KATNAL2: variants seen among roughly 807,000 people sequenced by gnomAD.
KATNAL2 encodes katanin p60 ATPase-containing subunit A-like 2.
In KATNAL2, 52 loss-of-function variants were observed where a neutral mutation model predicts 76.3. That is an observed-to-expected ratio of 0.68 (90% confidence interval 0.55 to 0.86). KATNAL2 has a LOEUF of 0.86. KATNAL2 is among the 40% of genes least tolerant of loss of function. KATNAL2 has a pLI of 0.00. For missense variants in KATNAL2, 660 were observed against 668.9 expected (o/e 0.99, Z 0.15); for synonymous variants, 243 against 244.2 (o/e 1.00, Z 0.05).
At chr18:47,066,391 G>A (rs1260945643) in intron 10 of KATNAL2, among the ~76,000 whole-genome samples, 1 of 152,214 alleles carries the variant, frequency 6.6e-6, no homozygotes, top group East Asian at 1.9e-4. Context: ...GTTGCTACAG[G>A]GCTCTTCTAT....
intron 13 of KATNAL2, among the ~76,000 whole-genome samples, chr18:47,071,953 CTTTTTTTTTTT>C (rs574265545): frequency 0.012 from 521 of 43,766 alleles, no homozygotes; most frequent in East Asian, 0.014. Flanking sequence ...CCAATTTCTT[CTTTTTTTTTTT>C]TTTTTTTTTT....
chr18:46,950,181 A>G (rs897670716), intron 3 of KATNAL2, among the ~76,000 whole-genome samples: 2 of 152,240 alleles, frequency 1.3e-5, no homozygotes, highest in Non-Finnish European at 2.9e-5. Context: ...CATGTAACAG[A>G]TAATATAAAT....
chr18:47,062,963 C>G lies in KATNAL2; in HGVS notation c.550-9C>G. 1 of 1,609,670 alleles carries G rather than the reference C, an allele frequency of 6.2e-7. No individual in the cohort carries two copies. Among genetic ancestry groups the G allele is most frequent in the Non-Finnish European group, 8.5e-7 (1 of 1,176,158 alleles). ...TCTCATGGCATAAATAACCATTCCT[C>G]CCTTTCAGGGCCAAATCATTGACTT... On this transcript the variant is annotated splice_polypyrimidine_tract_variant and intron_variant, in intron 8 of 17. Coordinates refer to ENST00000683218, the MANE Select transcript of KATNAL2 (RefSeq NM_001387690.1).
intron 1 of KATNAL2, among the ~76,000 whole-genome samples, chr18:46,923,214 C>A (rs1490651823): frequency 7.8e-6 from 1 of 128,456 alleles, no homozygotes; most frequent in African/African-American, 2.9e-5. Context: ...TCCCTCCCCC[C>A]TCCCCCCACC....
Position 47,071,953 on chromosome 18 carries a change from C to CTTTTTTT in KATNAL2, c.1008+2385_1008+2391dup, listed in dbSNP as rs574265545. On this transcript the variant is annotated intron_variant, in intron 13 of 17. Coordinates refer to ENST00000683218, the MANE Select transcript of KATNAL2 (RefSeq NM_001387690.1). ...GAAACAATTCCTCTCCCAATTTCTT[C>CTTTTTTT]TTTTTTTTTTTTTTTTTTTTTTTTT... 2.3e-3 allele frequency among the ~76,000 whole-genome samples: 100 copies of CTTTTTTT among 43,942 alleles called. 16 individuals are homozygous for CTTTTTTT. Among genetic ancestry groups the CTTTTTTT allele is most frequent in the African/African-American group, 6.2e-3 (52 of 8,342 alleles). The allele number at this position is 43,942 out of a possible 152,430, so 28.8% of individuals were successfully genotyped here.
chr18:47,070,624 C>G (rs866618144), intron 13 of KATNAL2, among the ~76,000 whole-genome samples: 3 of 152,014 alleles, frequency 2.0e-5, no homozygotes, highest in Non-Finnish European at 4.4e-5. Flanking sequence ...TAAAATATTA[C>G]GTATTTTCTG....
At chr18:46,923,810 T>G (rs1275327269) in intron 1 of KATNAL2, among the ~76,000 whole-genome samples, 1 of 152,238 alleles carries the variant, frequency 6.6e-6, no homozygotes, top group Non-Finnish European at 1.5e-5. Context: ...TTGATTTGTA[T>G]TTCTCTGATG....
chr18:47,093,101 T>A (rs1295545583), intron 15 of KATNAL2, among the ~76,000 whole-genome samples: 1 of 152,224 alleles, frequency 6.6e-6, no homozygotes, highest in Admixed American at 6.5e-5. Flanking sequence ...TATGATCCTT[T>A]CTTTGTTCTC....
chr18:47,062,892 C>T, intron 8 of KATNAL2, 80 bp from the exon 9 acceptor site: 2 of 1,130,462 alleles, frequency 1.8e-6, no homozygotes. Context: ...ATAAATGTGT[C>T]TTGGTTTAAT....
chr18:46,923,770 A>T (rs1431091250), intron 1 of KATNAL2, among the ~76,000 whole-genome samples: 4 of 152,180 alleles, frequency 2.6e-5, no homozygotes, highest in African/African-American at 9.7e-5. Context: ...CGACATTCTA[A>T]CTGGTGGGAG....
intron 15 of KATNAL2, among the ~76,000 whole-genome samples, chr18:47,097,410 G>T (rs534683320): frequency 3.9e-5 from 6 of 152,246 alleles, no homozygotes; most frequent in Non-Finnish European, 7.4e-5. Flanking sequence ...GGATCCTGAT[G>T]AATATGAAAA....
At chr18:47,100,812 AT>A (rs1484959646) in intron 17 of KATNAL2, 53 bp from the exon 18 acceptor site, 50 of 1,605,006 alleles carry the variant, frequency 3.1e-5, no homozygotes, top group Non-Finnish European at 4.0e-5. Context: ...TTTCAAGAGC[AT>A]TGATCACCAA....
intron 3 of KATNAL2, among the ~76,000 whole-genome samples, chr18:47,044,789 A>C (rs1411842687): frequency 2.2e-5 from 3 of 139,290 alleles, no homozygotes; most frequent in Admixed American, 7.2e-5. Context: ...AAAAACAAAA[A>C]CAGTTTAAAA....
intron 1 of KATNAL2, among the ~76,000 whole-genome samples, chr18:46,941,055 A>T (rs1303641055): frequency 1.3e-5 from 2 of 152,146 alleles, no homozygotes; most frequent in East Asian, 3.9e-4. Flanking sequence ...ACTTATGATT[A>T]AAAAACACTC....
chr18:47,086,986 A>C (rs2062804467), intron 15 of KATNAL2, among the ~76,000 whole-genome samples: 1 of 152,204 alleles, frequency 6.6e-6, no homozygotes, highest in Admixed American at 6.5e-5. Context: ...ACCACATTTA[A>C]AACATTATAA....
rs1416673498 is a variant in KATNAL2 at position 46,953,004 on chromosome 18, C to G, written c.51+6081C>G. The stretch of plus-strand genomic sequence containing the variant: ...CTGCCTCTCAGGTTCAACCGATTCT[C>G]CTGACTCAGCCTTCTGAGTAACTGG... On this transcript the variant is annotated intron_variant, in intron 3 of 17. Transcript: ENST00000683218. Among the ~76,000 whole-genome samples, 3 of 150,184 alleles carry G rather than the reference C, an allele frequency of 2.0e-5. No homozygotes were observed. The East Asian group carries it at 5.9e-4, about 30-fold the overall frequency.
chr18:47,032,790 T>C, intron 3 of KATNAL2: 1 of 839,582 alleles, frequency 1.2e-6, no homozygotes, highest in South Asian at 1.8e-5. Context: ...TCATATCTTC[T>C]GAATTCTGAG....
intron 3 of KATNAL2, among the ~76,000 whole-genome samples, chr18:47,031,715 G>T (rs72919290): frequency 0.011 from 1,687 of 152,210 alleles, 19 homozygotes; most frequent in Non-Finnish European, 0.017. Context: ...CTTACCTTAT[G>T]TGATCCACCC....
chr18:46,918,291 C>T (rs2146424600), intron 1 of KATNAL2, among the ~76,000 whole-genome samples: 1 of 152,190 alleles, frequency 6.6e-6, no homozygotes, highest in Non-Finnish European at 1.5e-5. Flanking sequence ...GGTTCAATTT[C>T]CTTGAAGAAT....
Sources: allele counts gnomAD v4.1 joint callset (sites outside exome capture counted in the v4.1 genomes callset), GRCh38; gene constraint gnomAD v4.1.1; transcripts MANE v1.5; gene names NCBI Gene and HGNC (gene_info 2026-07-23, HGNC 2026-07-21).